Variants in ACADSB observed in about 807,000 individuals in gnomAD.
ACADSB encodes short/branched chain specific acyl-CoA dehydrogenase, mitochondrial.
ACADSB carries 40 observed loss-of-function variants against 54.1 expected under a neutral mutation model. The ratio of observed to expected loss-of-function variants is 0.74; its 90% confidence interval spans 0.57 to 0.96. The LOEUF is 0.96. Ranked by LOEUF, ACADSB falls within the 40% of genes least tolerant of loss-of-function variation. The pLI, the probability that ACADSB is intolerant of heterozygous loss-of-function variation, is 0.00. For missense variants in ACADSB, 530 were observed against 510.4 expected, an observed-to-expected ratio of 1.04 and a Z score of -0.37; for synonymous variants, 182 against 182.8, an observed-to-expected ratio of 1.00 and a Z score of 0.03.
At chr10:123,039,368 A>C (rs1850442153) in intron 3 of ACADSB, among the ~76,000 whole-genome samples, 2 of 152,210 alleles carry the variant, frequency 1.3e-5, no homozygotes, top group Admixed American at 1.3e-4. Context: ...GAATGTCTAG[A>C]GAGAGACTAA....
chr10:123,050,322 T>C (rs1850612407), intron 8 of ACADSB, among the ~76,000 whole-genome samples: 1 of 152,244 alleles, frequency 6.6e-6, no homozygotes. Flanking sequence ...GGCTGTAATG[T>C]TCAGTGTGCT....
intron 1 of ACADSB, among the ~76,000 whole-genome samples, chr10:123,025,420 C>T (rs941034835): frequency 1.3e-5 from 2 of 152,048 alleles, no homozygotes; most frequent in African/African-American, 4.8e-5. Flanking sequence ...GCTGTGATCA[C>T]ATCACTGCAC....
At chr10:123,045,148 TATATATATATATATATATATATA>T (rs1564752894) in intron 7 of ACADSB, among the ~76,000 whole-genome samples, 362 of 10,874 alleles carry the variant, frequency 0.033, 15 homozygotes, top group Non-Finnish European at 0.058. Flanking sequence ...TATATATATA[TATATATATATATATATATATATA>T]TTTTTTTTTT....
chr10:123,041,069 C>A, intron 4 of ACADSB, 140 bp from the exon 5 acceptor site: 1 of 939,352 alleles, frequency 1.1e-6, no homozygotes, highest in Non-Finnish European at 1.6e-6. Flanking sequence ...TTCAGAATAC[C>A]ATTGCTATTT....
chr10:123,036,039 G>A (rs1850394100), intron 2 of ACADSB, among the ~76,000 whole-genome samples: 1 of 152,160 alleles, frequency 6.6e-6, no homozygotes, highest in Non-Finnish European at 1.5e-5. Flanking sequence ...ACCAGCGGCT[G>A]GGAATCTTGG....
intron 1 of ACADSB, among the ~76,000 whole-genome samples, chr10:123,024,179 A>G (rs1589734315): frequency 6.6e-6 from 1 of 152,380 alleles, no homozygotes; most frequent in South Asian, 2.1e-4. Flanking sequence ...AATGGTAATG[A>G]TAGGAGCTGG....
At position 123,046,417 on chromosome 10, in the gene ACADSB, A is replaced by C. The variant is rs147491955; in HGVS notation, c.901-792A>C. 2.8e-3 allele frequency among the ~76,000 whole-genome samples: 421 copies of C among 152,344 alleles called. 3 individuals carry two copies. Among genetic ancestry groups the C allele is most frequent in the African/African-American group, 5.2e-3 (216 of 41,570 alleles). On this transcript the variant is annotated intron_variant, in intron 7 of 10. Coordinates refer to ENST00000358776, the MANE Select transcript of ACADSB (RefSeq NM_001609.4). ...TTTCTAAGCTTGAATCATATAATAG[A>C]TATGAAAGTTGGTTAGCAGTGAGAC... is the stretch of plus-strand genomic sequence containing the variant.
At chr10:123,044,546 G>A in intron 7 of ACADSB, 61 bp downstream of exon 7, 21 of 1,313,770 alleles carry the variant, frequency 1.6e-5, no homozygotes, top group Non-Finnish European at 2.3e-5. Flanking sequence ...AGAAAAAAAT[G>A]CAATGAGACC....
chr10:123,027,318 A>C (rs1850267865), intron 1 of ACADSB, among the ~76,000 whole-genome samples: 1 of 152,184 alleles, frequency 6.6e-6, no homozygotes, highest in Non-Finnish European at 1.5e-5. Context: ...ACAGCTATGC[A>C]GCTGATATGA....
intron 1 of ACADSB, 103 bp downstream of exon 1, chr10:123,009,174 GCCCCGCTCCAC>G: frequency 7.7e-7 from 1 of 1,294,838 alleles, no homozygotes; most frequent in Non-Finnish European, 1.1e-6. Flanking sequence ...GCCGGCCTGA[GCCCCGCTCCAC>G]GTCCTGGGTC....
chr10:123,040,605 C>T lies in ACADSB; in HGVS notation c.443C>T (p.Thr148Ile), dbSNP rs58639322. 1,256 of 1,614,094 alleles carry T rather than the reference C, an allele frequency of 7.8e-4. 2 individuals carry two copies. The highest frequency in any genetic ancestry group is 2.7e-3 in the South Asian group (246 of 91,070). The change falls in exon 4 of 11, where the codon ACA becomes ATA. Residue 148 changes from threonine (T) to isoleucine (I), a missense_variant. Coordinates refer to ENST00000358776, the MANE Select transcript of ACADSB (RefSeq NM_001609.4). ...FCEIQNTLIN[T>I]LIRKHGTEEQ... ...GAGATCCAGAACACATTAATTAACA[C>T]ACTGATTAGAAAACATGGAACAGAA...
chr10:123,023,225 C>G (rs960472547), intron 1 of ACADSB, among the ~76,000 whole-genome samples: 4 of 152,148 alleles, frequency 2.6e-5, no homozygotes, highest in Non-Finnish European at 5.9e-5. Flanking sequence ...TATGCCAAAC[C>G]CTGACACCTC....
chr10:123,044,249 C>A, intron 6 of ACADSB, 144 bp from the exon 7 acceptor site: 1 of 700,540 alleles, frequency 1.4e-6, no homozygotes, highest in Non-Finnish European at 2.6e-6. Context: ...TGTGGAAAAA[C>A]AGCGTAGAGG....
intron 1 of ACADSB, among the ~76,000 whole-genome samples, chr10:123,020,515 G>C (rs879320502): frequency 6.6e-6 from 1 of 152,206 alleles, no homozygotes; most frequent in Non-Finnish European, 1.5e-5. Flanking sequence ...ATTGTTTCCA[G>C]TTTTTTACTA....
At chr10:123,025,031 G>T (rs1313245853) in intron 1 of ACADSB, among the ~76,000 whole-genome samples, 1 of 152,180 alleles carries the variant, frequency 6.6e-6, no homozygotes, top group Non-Finnish European at 1.5e-5. Context: ...GGGAAGTTGA[G>T]GTTCCAGTGA....
At chr10:123,018,280 G>A (rs546485048) in intron 1 of ACADSB, among the ~76,000 whole-genome samples, 3 of 152,320 alleles carry the variant, frequency 2.0e-5, no homozygotes, top group Admixed American at 6.5e-5. Flanking sequence ...ATTTGGGAAA[G>A]AGAAATTGTT....
At chr10:123,030,142 C>T (rs1420548725) in intron 1 of ACADSB, among the ~76,000 whole-genome samples, 4 of 152,180 alleles carry the variant, frequency 2.6e-5, no homozygotes, top group African/African-American at 7.2e-5. Flanking sequence ...CACATGCAAA[C>T]CATGTCATAT....
chr10:123,046,934 G>A (rs74689686), intron 7 of ACADSB, among the ~76,000 whole-genome samples: 1 of 152,222 alleles, frequency 6.6e-6, no homozygotes. Context: ...AAAAGGTTGT[G>A]TGAACACAGC....
chr10:123,040,289 T>A (rs764479133), intron 3 of ACADSB, among the ~76,000 whole-genome samples, 177 bp from the exon 4 acceptor site: 4 of 151,806 alleles, frequency 2.6e-5, no homozygotes, highest in Non-Finnish European at 5.9e-5. Flanking sequence ...AGGTGGAGGT[T>A]GCAGTGAGCT....
Sources: gnomAD v4.1 joint callset for allele counts (sites outside exome capture counted in the v4.1 genomes callset) on GRCh38, gnomAD v4.1.1 for gene constraint, MANE v1.5 for transcripts, NCBI Gene and HGNC (gene_info 2026-07-23, HGNC 2026-07-21) for gene names.